CTSB: variants seen among roughly 807,000 people sequenced by gnomAD.
CTSB encodes the protein cathepsin B.
Under a neutral mutation model 44.3 loss-of-function variants are expected in CTSB, and 57 were observed. That is an observed-to-expected ratio of 1.29 (90% CI 1.04 to 1.60). The LOEUF (loss-of-function observed/expected upper bound fraction) is 1.60, where lower values mean the gene tolerates loss of function less well. Among genes scored for constraint, CTSB ranks in the 40% most tolerant of loss-of-function variants. CTSB has a pLI of 0.00. For synonymous variants in CTSB, 320 were observed against 168.0 expected (o/e 1.91, Z -7.00); for missense variants, 768 against 443.0 (o/e 1.73, Z -6.59).
At chr8:11,852,967 G>A (rs938309992) in intron 2 of CTSB, among the ~76,000 whole-genome samples, 5 of 152,142 alleles carry the variant, frequency 3.3e-5, no homozygotes, top group African/African-American at 1.2e-4. Context: ...GAGGGTCAGG[G>A]CTGGGCAGAG....
chr8:11,846,493 G>C (rs1195476968), intron 8 of CTSB: 1 of 152,664 alleles, frequency 6.6e-6, no homozygotes, highest in Non-Finnish European at 1.5e-5. Flanking sequence ...CTGGAGCAAG[G>C]GATTTCTAAG....
intron 1 of CTSB, among the ~76,000 whole-genome samples, chr8:11,856,425 C>G (rs1173427627): frequency 6.6e-6 from 1 of 151,844 alleles, no homozygotes; most frequent in African/African-American, 2.4e-5. Flanking sequence ...ACCAGCCTGA[C>G]TAAGGTGGTG....
chr8:11,853,252 G>A (rs1300021517), intron 2 of CTSB, 77 bp downstream of exon 2: 20 of 1,565,722 alleles, frequency 1.3e-5, no homozygotes, highest in East Asian at 2.3e-5. Context: ...AGTGAGGGCT[G>A]GCTTCCCATT....
chr8:11,866,635 G>A (rs1009412091), intron 1 of CTSB, among the ~76,000 whole-genome samples: 3 of 152,190 alleles, frequency 2.0e-5, no homozygotes, highest in African/African-American at 7.2e-5. Flanking sequence ...CGAGACAGGC[G>A]GATCACCTGA....
intron 1 of CTSB, among the ~76,000 whole-genome samples, chr8:11,862,856 T>C (rs1816631586): frequency 6.6e-6 from 1 of 152,250 alleles, no homozygotes; most frequent in Non-Finnish European, 1.5e-5. Context: ...ACTGGTCCCG[T>C]TACCATCTTG....
At chr8:11,864,537 A>G (rs2645415) in intron 1 of CTSB, 53,027 of 151,942 alleles carry the variant, frequency 0.35, 9,382 homozygotes, top group East Asian at 0.46. Flanking sequence ...AAATGTGCAG[A>G]AGAATCCAAA....
intron 4 of CTSB, 84 bp downstream of exon 4, chr8:11,850,782 G>C: frequency 2.2e-6 from 2 of 922,080 alleles, no homozygotes; most frequent in Non-Finnish European, 3.3e-6. Context: ...TGTCAGAGTT[G>C]TCCCCACCCC....
intron 2 of CTSB, among the ~76,000 whole-genome samples, 195 bp downstream of exon 2, chr8:11,853,134 T>G (rs1367985782): frequency 2.0e-5 from 3 of 151,886 alleles, no homozygotes; most frequent in Non-Finnish European, 4.4e-5. Flanking sequence ...CACACACTCA[T>G]GCACACACGT....
chr8:11,849,019 C>T (rs779421648), intron 5 of CTSB, 27 bp downstream of exon 5: 4 of 1,561,984 alleles, frequency 2.6e-6, no homozygotes, highest in Non-Finnish European at 2.6e-6. Context: ...AGCACTAAAC[C>T]CGCTGTGGAA....
chr8:11,858,041 T>C (rs1314074196), intron 1 of CTSB: 2 of 152,202 alleles, frequency 1.3e-5, no homozygotes, highest in East Asian at 3.9e-4. Flanking sequence ...GGGTCTGACC[T>C]TCCCCAAGCC....
Position 11,847,764 on chromosome 8 carries a change from T to TGGGGGCC in CTSB, c.584_590dup (p.Cys198AlafsTer13), listed in dbSNP as rs1174376619. Reference sequence around the variant, plus strand: ...TGGGGGTATCTCCCTCCCCCGTGCATGGGGGCCGGGAGCCGTTGACGTGGT... The same window carrying TGGGGGCC: ...TGGGGGTATCTCCCTCCCCCGTGCATGGGGGCCGGGGGCCGGGAGCCGTTGACGTGGT... On this transcript the variant is annotated frameshift_variant, in exon 7 of 10. Transcript: ENST00000353047. LOFTEE classifies it high-confidence loss of function. 1.2e-6 allele frequency: 2 copies of TGGGGGCC among 1,601,384 alleles called. No individual in the cohort carries two copies. Among genetic ancestry groups the TGGGGGCC allele is most frequent in the African/African-American group, 1.3e-5 (1 of 74,112 alleles).
intron 9 of CTSB, among the ~76,000 whole-genome samples, chr8:11,845,442 G>T (rs1002098582): frequency 6.6e-6 from 1 of 152,226 alleles, no homozygotes; most frequent in Non-Finnish European, 1.5e-5. Flanking sequence ...CTGGCGCGAT[G>T]CTGTGGGAAC....
At chr8:11,860,968 G>C (rs941584406) in intron 1 of CTSB, among the ~76,000 whole-genome samples, 2 of 152,234 alleles carry the variant, frequency 1.3e-5, no homozygotes, top group Non-Finnish European at 2.9e-5. Context: ...CACTGGGTGG[G>C]AGTGTGCTGA....
At chr8:11,864,782 T>C (rs1232941281) in intron 1 of CTSB, among the ~76,000 whole-genome samples, 6 of 152,084 alleles carry the variant, frequency 3.9e-5, no homozygotes, top group African/African-American at 1.2e-4. Flanking sequence ...GGCATGGTGG[T>C]GCATGCCTCT....
intron 1 of CTSB, among the ~76,000 whole-genome samples, chr8:11,854,506 G>A (rs989256165): frequency 2.5e-5 from 3 of 120,528 alleles, no homozygotes; most frequent in African/African-American, 1.0e-4. Flanking sequence ...TTTTTTTTTT[G>A]AGACAGGGTC....
At chr8:11,846,200 G>A (rs1246627545) in intron 8 of CTSB, 1 of 153,332 alleles carries the variant, frequency 6.5e-6, no homozygotes. Flanking sequence ...CCCTGAAGAG[G>A]TGAGGGAGGA....
At chr8:11,846,894 C>G in intron 8 of CTSB, 158 bp downstream of exon 8, 3 of 616,030 alleles carry the variant, frequency 4.9e-6, no homozygotes, top group Non-Finnish European at 8.7e-6. Flanking sequence ...GGCTGGTCCA[C>G]AGAGGAGTGA....
chr8:11,851,293 G>A (rs779476906), intron 3 of CTSB, among the ~76,000 whole-genome samples: 7 of 152,054 alleles, frequency 4.6e-5, no homozygotes, highest in South Asian at 2.1e-4. Flanking sequence ...GAGTTCAATC[G>A]ATTCTCGTGC....
At chr8:11,849,795 G>A (rs902721062) in intron 4 of CTSB, among the ~76,000 whole-genome samples, 9 of 151,990 alleles carry the variant, frequency 5.9e-5, no homozygotes, top group African/African-American at 2.2e-4. Flanking sequence ...TGGCCAGGTT[G>A]GTCTCAAACT....
Sources: gnomAD v4.1 joint callset for allele counts (sites outside exome capture counted in the v4.1 genomes callset) on GRCh38, gnomAD v4.1.1 for gene constraint, MANE v1.5 for transcripts, NCBI Gene and HGNC (gene_info 2026-07-23, HGNC 2026-07-21) for gene names.